RBFOX1: variants seen among roughly 807,000 people sequenced by gnomAD.
The protein encoded by RBFOX1 is RNA binding protein fox-1 homolog 1.
In RBFOX1, 8 loss-of-function variants were observed where a neutral mutation model predicts 57.7. The observed-to-expected ratio is 0.14, with a 90% CI of 0.08 to 0.25. RBFOX1 has a LOEUF of 0.25. RBFOX1 is among the 10% of genes least tolerant of loss of function. The pLI, the probability that RBFOX1 is intolerant of heterozygous loss-of-function variation, is 1.00. For missense variants in RBFOX1, 611 were observed against 548.5 expected (o/e 1.11, Z -1.14); for synonymous variants, 326 against 222.4 (o/e 1.47, Z -4.15).
intron 1 of RBFOX1, among the ~76,000 whole-genome samples, chr16:6,298,378 C>T (rs576805307): frequency 1.3e-5 from 2 of 152,214 alleles, no homozygotes; most frequent in African/African-American, 4.8e-5. Context: ...TCACTCACAG[C>T]TCCCCAAGTA....
chr16:7,574,299 A>G (rs991827296), intron 5 of RBFOX1, among the ~76,000 whole-genome samples: 11 of 152,220 alleles, frequency 7.2e-5, no homozygotes, highest in Non-Finnish European at 7.3e-5. Flanking sequence ...TGACACCTGT[A>G]TCAGGGTTCT....
intron 3 of RBFOX1, among the ~76,000 whole-genome samples, chr16:5,775,357 A>G (rs2054111943): frequency 1.3e-5 from 2 of 152,038 alleles, no homozygotes; most frequent in Admixed American, 1.3e-4. Flanking sequence ...ATACCTGGGA[A>G]TTTCTTATAG....
At chr16:5,990,992 A>G (rs1222667236) in intron 4 of RBFOX1, among the ~76,000 whole-genome samples, 3 of 152,150 alleles carry the variant, frequency 2.0e-5, no homozygotes, top group Non-Finnish European at 2.9e-5. Context: ...AAAAAAATAC[A>G]TTTGGTTATG....
At chr16:5,462,817 GT>G (rs1171924603) in intron 1 of RBFOX1, among the ~76,000 whole-genome samples, 1 of 152,108 alleles carries the variant, frequency 6.6e-6, no homozygotes, top group African/African-American at 2.4e-5. Context: ...CGATGTAAGA[GT>G]GGCATTCGGT....
chr16:6,912,694 T>C (rs1472901336), intron 3 of RBFOX1, among the ~76,000 whole-genome samples: 1 of 151,878 alleles, frequency 6.6e-6, no homozygotes, highest in Non-Finnish European at 1.5e-5. Flanking sequence ...TAGCTCACTG[T>C]AGCGCCCCAA....
intron 2 of RBFOX1, among the ~76,000 whole-genome samples, chr16:6,653,736 AGATG>A (rs933426377): frequency 9.3e-5 from 14 of 151,042 alleles, no homozygotes; most frequent in African/African-American, 2.7e-4. Context: ...GAGGATGGAT[AGATG>A]GATGGATGGG....
chr16:6,972,144 A>T (rs1182496417), intron 3 of RBFOX1, among the ~76,000 whole-genome samples: 2 of 152,200 alleles, frequency 1.3e-5, no homozygotes, highest in Non-Finnish European at 2.9e-5. Flanking sequence ...TTGTAAGAAT[A>T]TAGTTCAGTA....
intron 2 of RBFOX1, among the ~76,000 whole-genome samples, chr16:5,544,728 C>T (rs1442705540): frequency 6.6e-6 from 1 of 152,040 alleles, no homozygotes; most frequent in Non-Finnish European, 1.5e-5. Context: ...TAAGGCATAA[C>T]TATATCTTAA....
chr16:5,979,521 C>T (rs1437135186), intron 4 of RBFOX1, among the ~76,000 whole-genome samples: 2 of 152,170 alleles, frequency 1.3e-5, no homozygotes, highest in African/African-American at 2.4e-5. Context: ...TATGTATTGC[C>T]CTCATGTAAT....
At chr16:6,896,465 C>T (rs550600634) in intron 3 of RBFOX1, among the ~76,000 whole-genome samples, 2 of 152,136 alleles carry the variant, frequency 1.3e-5, no homozygotes, top group Non-Finnish European at 2.9e-5. Context: ...TGTCTATGTA[C>T]ATGAGTTCAA....
At chr16:6,107,929 CA>C (rs2096401896) in intron 1 of RBFOX1, among the ~76,000 whole-genome samples, 1 of 152,068 alleles carries the variant, frequency 6.6e-6, no homozygotes, top group South Asian at 2.1e-4. Context: ...ATGTTTCCTC[CA>C]AAAAAATCAT....
chr16:6,073,604 G>A (rs1452734428), intron 1 of RBFOX1, among the ~76,000 whole-genome samples: 1 of 152,170 alleles, frequency 6.6e-6, no homozygotes, highest in African/African-American at 2.4e-5. Context: ...GAAGTAAAAT[G>A]ACAAATTTTT....
intron 4 of RBFOX1, among the ~76,000 whole-genome samples, chr16:7,265,752 T>C (rs1440208795): frequency 6.6e-6 from 1 of 151,872 alleles, no homozygotes; most frequent in Non-Finnish European, 1.5e-5. Context: ...CCTGGCCAGG[T>C]GTCTTTTCTG....
At position 7,013,863 on chromosome 16, in the gene RBFOX1, A is replaced by G. The variant is rs192364646; in HGVS notation, c.-15-38194A>G. On this transcript the variant is annotated intron_variant, in intron 3 of 15. Coordinates refer to ENST00000550418, the MANE Select transcript of RBFOX1 (RefSeq NM_018723.4). The stretch of plus-strand genomic sequence containing the variant: ...TGTAGAAATGGGGTCTCACCATGTT[A>G]CCCAGGTCATTCTTGAGCTCTTGAT... Among the ~76,000 whole-genome samples the G allele has an allele frequency of 2.0e-5, 3 of 152,204 alleles. No homozygotes were observed. In the East Asian group the frequency reaches 5.8e-4, roughly 30 times the overall value.
chr16:7,264,652 A>C (rs1048471356), intron 4 of RBFOX1, among the ~76,000 whole-genome samples: 1 of 152,228 alleles, frequency 6.6e-6, no homozygotes, highest in Non-Finnish European at 1.5e-5. Flanking sequence ...TTTGCATTTC[A>C]TGTAATTTTC....
intron 10 of RBFOX1, among the ~76,000 whole-genome samples, chr16:7,625,346 A>G (rs2059924738): frequency 6.6e-6 from 1 of 152,130 alleles, no homozygotes; most frequent in South Asian, 2.1e-4. Context: ...CTTTTCTGTT[A>G]TAAAAGAGAT....
intron 3 of RBFOX1, among the ~76,000 whole-genome samples, chr16:7,024,827 G>A (rs1055282485): frequency 6.6e-6 from 1 of 152,280 alleles, no homozygotes; most frequent in Admixed American, 6.5e-5. Flanking sequence ...TAACCACGAT[G>A]GTTCTCACAC....
chr16:5,354,860 G>T (rs2065348075), intron 1 of RBFOX1, among the ~76,000 whole-genome samples: 1 of 152,232 alleles, frequency 6.6e-6, no homozygotes, highest in African/African-American at 2.4e-5. Context: ...GTGCCAGGCA[G>T]CTGTGGAGGG....
chr16:7,558,791 T>C (rs929804996), intron 5 of RBFOX1, among the ~76,000 whole-genome samples: 18 of 152,328 alleles, frequency 1.2e-4, no homozygotes, highest in East Asian at 7.7e-4. Flanking sequence ...ACTCAAAGTA[T>C]TGAGCCAATG....
Sources: allele counts gnomAD v4.1 joint callset (sites outside exome capture counted in the v4.1 genomes callset), GRCh38; gene constraint gnomAD v4.1.1; transcripts MANE v1.5; gene names NCBI Gene and HGNC (gene_info 2026-07-23, HGNC 2026-07-21).